Variants in PEX26 observed in about 807,000 individuals in gnomAD.
PEX26 encodes the protein peroxisomal biogenesis factor 26, also known as peroxisome assembly protein 26.
A neutral mutation model predicts 31.4 loss-of-function variants in PEX26; 18 were observed. The ratio of observed to expected loss-of-function variants is 0.57; its 90% CI spans 0.40 to 0.85. The LOEUF (loss-of-function observed/expected upper bound fraction) is 0.85. Ranked by LOEUF, PEX26 falls within the 40% of genes least tolerant of loss-of-function variation. The probability of loss-of-function intolerance (pLI) is 0.00; values close to 1 mark genes in which losing one functional copy is unlikely to be tolerated. For synonymous variants in PEX26, 176 were observed against 166.9 expected (o/e 1.05, Z -0.42); for missense variants, 377 against 383.9 (o/e 0.98, Z 0.15).
intron 4 of PEX26, among the ~76,000 whole-genome samples, chr22:18,086,055 T>C (rs1926830541): frequency 6.6e-6 from 1 of 152,108 alleles, no homozygotes; most frequent in South Asian, 2.1e-4. Context: ...CCCAGCACTA[T>C]GGGAGGCCAA....
chr22:18,081,399 AT>A, intron 2 of PEX26: 1 of 153,410 alleles, frequency 6.5e-6, no homozygotes, highest in Non-Finnish European at 1.5e-5. Context: ...TTCTATTTTT[AT>A]TTTTTTCACC....
intron 4 of PEX26, among the ~76,000 whole-genome samples, 198 bp downstream of exon 4, chr22:18,085,456 G>A (rs963348287): frequency 6.6e-6 from 1 of 152,172 alleles, no homozygotes; most frequent in Non-Finnish European, 1.5e-5. Context: ...GCCAGTCCTG[G>A]AGTCTATGAG....
rs1927421043 is a variant in PEX26 at position 18,100,478 on chromosome 22, G to A, written c.*12403G>A. 6.6e-6 allele frequency: 1 copy of A among 152,016 alleles called. No homozygotes were observed. Among genetic ancestry groups the A allele is most frequent in the Non-Finnish European group, 1.5e-5 (1 of 68,006 alleles). The allele number at this position is 152,016 out of a possible 1,614,324, so 9.4% of individuals were successfully genotyped here. A position where few individuals can be genotyped will look rare whatever the true frequency, so the allele number is the denominator to read the frequency against. On this transcript the variant is annotated 3_prime_UTR_variant, in exon 5 of 5. Transcript: ENST00000399744. ...TCATTTACCTCAAATATACCTCATG[G>A]TCCGAAAGTATTTAGTCAGCAATGT...
chr22:18,080,072 C>G, intron 2 of PEX26, 58 bp downstream of exon 2: 2 of 1,563,094 alleles, frequency 1.3e-6, no homozygotes, highest in Non-Finnish European at 1.8e-6. Context: ...TTTTCATCTC[C>G]TCTCCTAAAT....
intron 4 of PEX26, among the ~76,000 whole-genome samples, chr22:18,087,533 C>T (rs1372483989): frequency 6.6e-6 from 1 of 152,258 alleles, no homozygotes; most frequent in Non-Finnish European, 1.5e-5. Flanking sequence ...TGGCCACCTC[C>T]TGACTGATAC....
chr22:18,080,007 G>A lies in PEX26; in HGVS notation c.364G>A (p.Glu122Lys), dbSNP rs2123647688. 6.2e-7 allele frequency: 1 copy of A among 1,614,134 alleles called. No homozygotes were observed. The highest frequency in any genetic ancestry group is 2.2e-5 in the East Asian group (1 of 44,870). Reference sequence around the variant, plus strand: ...TGAAAAGCTACCCCCCAAAGTCCTGGAGCTGTGGTAAGTCTTCTTTGCTGA... The same window carrying A: ...TGAAAAGCTACCCCCCAAAGTCCTGAAGCTGTGGTAAGTCTTCTTTGCTGA... ...VPEKLPPKVL[E>K]LCILLYSKMQ... Residue 122 changes from glutamate (E) to lysine (K), a missense_variant, in exon 2 of 5, where the codon GAG (glutamate) becomes AAG (lysine). Glu to Lys is a moderately conservative substitution (Grantham distance 56). Coordinates refer to ENST00000399744, the MANE Select transcript of PEX26 (RefSeq NM_001127649.3).
chr22:18,085,172 C>A lies in PEX26; in HGVS notation c.728C>A (p.Ala243Glu), dbSNP rs149153003. 1 of 1,613,950 alleles carries A rather than the reference C, an allele frequency of 6.2e-7. No homozygotes were observed. Among genetic ancestry groups the A allele is most frequent in the Non-Finnish European group, 8.5e-7 (1 of 1,179,962 alleles). The change falls in exon 4 of 5, where the codon GCG (alanine) becomes GAG (glutamate). Residue 243 changes from alanine to glutamate, a missense_variant. By Grantham distance (107) the Ala-to-Glu change is moderately radical (BLOSUM62 -1). Transcript: ENST00000399744. The part of the protein sequence containing the change: ...PMLVRQLWDS[A>E]VSHFFSLPFK... Reference sequence around the variant, plus strand: ...TTGGTTCGCCAGCTTTGGGACTCTGCGGTGAGCCACTTCTTTTCTCTGCCC... The same window carrying A: ...TTGGTTCGCCAGCTTTGGGACTCTGAGGTGAGCCACTTCTTTTCTCTGCCC...
chr22:18,079,380 G>A, intron 1 of PEX26: 1 of 251,218 alleles, frequency 4.0e-6, no homozygotes, highest in Non-Finnish European at 6.3e-6. Flanking sequence ...TGTTTTAGGG[G>A]ACTGGGTGGG....
Position 18,101,713 on chromosome 22 carries a change from C to CA in PEX26, c.*13638_*13639insA, listed in dbSNP as rs1927455684. 4 of 270,646 alleles carry CA rather than the reference C, an allele frequency of 1.5e-5. No individual in the cohort carries two copies. In the South Asian group the frequency reaches 2.4e-4, roughly 16 times the overall value. The allele number at this position is 270,646 out of a possible 1,614,324, so 16.8% of individuals were successfully genotyped here. On this transcript the variant is annotated 3_prime_UTR_variant, in exon 5 of 5. Transcript: ENST00000399744. Reference sequence around the variant, plus strand: ...AGCAGCAGTGATGAAATCACCCTCTCCTTTAAGACCTGGCATTACAATGGC... The same window carrying CA: ...AGCAGCAGTGATGAAATCACCCTCTCACTTTAAGACCTGGCATTACAATGGC...
chr22:18,089,078 T>G lies in PEX26; in HGVS notation c.*1003T>G, dbSNP rs79085553. 3,421 of 152,924 alleles carry G rather than the reference T, an allele frequency of 0.022. 112 individuals carry two copies. Among genetic ancestry groups the G allele is most frequent in the African/African-American group, 0.076 (3,159 of 41,564 alleles). 9.5% of individuals were successfully genotyped at this position (152,924 alleles called of 1,614,324 possible). On this transcript the variant is annotated 3_prime_UTR_variant, in exon 5 of 5. Coordinates refer to ENST00000399744, the MANE Select transcript of PEX26 (RefSeq NM_001127649.3). ...CTGGCCAAGTCTTGCTCTGTTACGC[T>G]CAGTGCCTCTGCCCACTCTTTCCCC...
chr22:18,083,790 C>T (rs1461133888), intron 3 of PEX26, 58 bp downstream of exon 3: 21 of 1,533,494 alleles, frequency 1.4e-5, no homozygotes, highest in Non-Finnish European at 1.8e-5. Context: ...TGCACTGTAC[C>T]TCGGGGTCTG....
Position 18,090,583 on chromosome 22 carries a change from TC to T in PEX26, c.*2509del, listed in dbSNP as rs1456036488. The stretch of plus-strand genomic sequence containing the variant: ...CCCCATGGTCTTGTAATTGTGAACT[TC>T]TTTGCTGCCCCTTCGAAGCTGGGGA... On this transcript the variant is annotated 3_prime_UTR_variant, in exon 5 of 5. Transcript: ENST00000399744. 6.6e-6 allele frequency: 1 copy of T among 152,286 alleles called. No homozygotes were observed. The highest frequency in any genetic ancestry group is 2.4e-5 in the African/African-American group (1 of 41,446). 9.4% of individuals were successfully genotyped at this position (152,286 alleles called of 1,614,324 possible).
chr22:18,101,359 A>T lies in PEX26; in HGVS notation c.*13284A>T, dbSNP rs1370362312. 1.3e-5 allele frequency: 2 copies of T among 152,148 alleles called. No homozygotes were observed. The highest frequency in any genetic ancestry group is 2.9e-5 in the Non-Finnish European group (2 of 68,054). 9.4% of individuals were successfully genotyped at this position (152,148 alleles called of 1,614,324 possible). A position where few individuals can be genotyped will look rare whatever the true frequency, so the allele number is the denominator to read the frequency against. The stretch of plus-strand genomic sequence containing the variant: ...CATCCTAGATAATAGTCCCAGTCAA[A>T]AACCCCATTGAGGTTGAAGGACTGG... On this transcript the variant is annotated 3_prime_UTR_variant, in exon 5 of 5. Transcript: ENST00000399744.
Position 18,098,037 on chromosome 22 carries a change from C to G in PEX26, c.*9962C>G, listed in dbSNP as rs1325116677. The G allele has an allele frequency of 1.3e-5, 2 of 152,076 alleles. No homozygotes were observed. Among genetic ancestry groups the G allele is most frequent in the African/African-American group, 4.8e-5 (2 of 41,390 alleles). The allele number at this position is 152,076 out of a possible 1,614,324, so 9.4% of individuals were successfully genotyped here. ...ACCAGCCTGGCCAACATGATGAAAC[C>G]CCATCTCTTCAAAAAATCTAAAAAT... On this transcript the variant is annotated 3_prime_UTR_variant, in exon 5 of 5. Coordinates refer to ENST00000399744, the MANE Select transcript of PEX26 (RefSeq NM_001127649.3).
chr22:18,086,364 C>T (rs889021804), intron 4 of PEX26, among the ~76,000 whole-genome samples: 4 of 152,212 alleles, frequency 2.6e-5, no homozygotes, highest in South Asian at 2.1e-4. Context: ...ATCTGCTACT[C>T]TGCTGTGCTT....
At chr22:18,086,250 G>T (rs1198741984) in intron 4 of PEX26, among the ~76,000 whole-genome samples, 2 of 152,170 alleles carry the variant, frequency 1.3e-5, no homozygotes, top group African/African-American at 4.8e-5. Flanking sequence ...AGTGAGCCAA[G>T]ATTGCACTGT....
At chr22:18,082,930 T>C (rs977235730) in intron 2 of PEX26, among the ~76,000 whole-genome samples, 9 of 152,242 alleles carry the variant, frequency 5.9e-5, no homozygotes, top group African/African-American at 1.9e-4. Context: ...AATTTATTCC[T>C]AGGTATCTTA....
chr22:18,095,892 G>A lies in PEX26; in HGVS notation c.*7817G>A, dbSNP rs1025440855. 1 of 151,700 alleles carries A rather than the reference G, an allele frequency of 6.6e-6. No homozygotes were observed. The highest frequency in any genetic ancestry group is 2.4e-5 in the African/African-American group (1 of 41,252). 9.4% of individuals were successfully genotyped at this position (151,700 alleles called of 1,614,324 possible). ...AGCTGGAGGGCAGTGGCATGATCTC[G>A]ACACACTGCAACATCCACTTCCTAG... On this transcript the variant is annotated 3_prime_UTR_variant, in exon 5 of 5. Coordinates refer to ENST00000399744, the MANE Select transcript of PEX26 (RefSeq NM_001127649.3).
At position 18,099,782 on chromosome 22, in the gene PEX26, T is replaced by TG. The variant is rs570793856; in HGVS notation, c.*11709dup. 24 of 152,368 alleles carry TG rather than the reference T, an allele frequency of 1.6e-4. No individual in the cohort carries two copies. In the East Asian group the frequency reaches 4.6e-3, roughly 29 times the overall value. 9.4% of individuals were successfully genotyped at this position (152,368 alleles called of 1,614,324 possible). On this transcript the variant is annotated 3_prime_UTR_variant, in exon 5 of 5. Transcript: ENST00000399744. ...GCTTCTGCTGGCTCTAAGTGTTCCC[T>TG]GGCCTGCGACAGCATCACTCCAATC...
Sources: gnomAD v4.1 joint callset for allele counts (sites outside exome capture counted in the v4.1 genomes callset) on GRCh38, gnomAD v4.1.1 for gene constraint, MANE v1.5 for transcripts, NCBI Gene and HGNC (gene_info 2026-07-23, HGNC 2026-07-21) for gene names.